MYO1A: variants seen among roughly 807,000 people sequenced by gnomAD.
The protein encoded by MYO1A is unconventional myosin-Ia.
Under a neutral mutation model 138.5 loss-of-function variants are expected in MYO1A, and 127 were observed. The ratio of observed to expected loss-of-function variants is 0.92; its 90% confidence interval spans 0.79 to 1.06. The LOEUF is 1.06. Among genes scored for constraint, MYO1A ranks in the 50% least tolerant of loss-of-function variants. MYO1A has a pLI of 0.00. For synonymous variants in MYO1A, 477 were observed against 497.5 expected (o/e 0.96, Z 0.55); for missense variants, 1,211 against 1,288.8 (o/e 0.94, Z 0.92).
intron 8 of MYO1A, among the ~76,000 whole-genome samples, chr12:57,045,982 C>G (rs1178802824): frequency 6.6e-6 from 1 of 152,238 alleles, no homozygotes; most frequent in East Asian, 1.9e-4. Context: ...TTACTCAACT[C>G]TGTATCCCTA....
chr12:57,048,935 C>A (rs2031238862), intron 1 of MYO1A, among the ~76,000 whole-genome samples: 1 of 152,174 alleles, frequency 6.6e-6, no homozygotes, highest in African/African-American at 2.4e-5. Context: ...CTTGACAAGG[C>A]AGAATTATAG....
chr12:57,045,349 T>C (rs924625048), intron 8 of MYO1A, among the ~76,000 whole-genome samples: 1 of 152,100 alleles, frequency 6.6e-6, no homozygotes, highest in African/African-American at 2.4e-5. Flanking sequence ...CCTCAAACTA[T>C]AGTCTAATGG....
intron 23 of MYO1A, 100 bp from the exon 24 acceptor site, chr12:57,030,416 G>A: frequency 4.0e-6 from 4 of 999,998 alleles, no homozygotes; most frequent in South Asian, 2.7e-5. Context: ...GGAGAGGAGA[G>A]AGACTGAGGA....
At chr12:57,043,402 C>G (rs1010091126) in intron 10 of MYO1A, 44 bp from the exon 11 acceptor site, 13 of 1,574,148 alleles carry the variant, frequency 8.3e-6, no homozygotes, top group Non-Finnish European at 1.1e-5. Flanking sequence ...AGGCAGCTTT[C>G]TCTCAGGGGA....
Position 57,044,191 on chromosome 12 carries a change from C to T in MYO1A, c.659G>A (p.Arg220Gln), listed in dbSNP as rs114674819. The T allele has an allele frequency of 1.4e-4, 223 of 1,614,050 alleles. 2 individuals are homozygous for T. The African/African-American group carries it at 2.1e-3, about 15-fold the overall frequency. ...CAGATAGGCATAGCCAGTTGTATCC[C>T]GCTCAAGCTTCAGGGCCTCTGGGAG... ...EQLLKALKLE[R>Q]DTTGYAYLNH... Residue 220 changes from arginine to glutamine, a missense_variant, in exon 9 of 28, where the codon CGG becomes CAG. Coordinates refer to ENST00000300119, the MANE Select transcript of MYO1A (RefSeq NM_005379.4).
At chr12:57,038,734 T>C in intron 16 of MYO1A, 75 bp downstream of exon 16, 1 of 1,609,002 alleles carries the variant, frequency 6.2e-7, no homozygotes, top group Non-Finnish European at 8.5e-7. Context: ...ACTCTCACCT[T>C]CCCCGGGTTC....
At position 57,038,493 on chromosome 12, in the gene MYO1A, G is replaced by A. The variant is rs780087691; in HGVS notation, c.1679C>T (p.Pro560Leu). 1.9e-6 allele frequency: 3 copies of A among 1,614,224 alleles called. No homozygotes were observed. The highest frequency in any genetic ancestry group is 1.1e-5 in the South Asian group (1 of 91,084). The change falls in exon 17 of 28, where the codon CCC becomes CTC. Residue 560 changes from proline to leucine, a missense_variant. Physicochemically the swap from Pro to Leu is moderately conservative, Grantham distance 98 (BLOSUM62 -3). Coordinates refer to ENST00000300119, the MANE Select transcript of MYO1A (RefSeq NM_005379.4). ...GNPKQASLKR[P>L]PTAGAQFKSS... ...CTTGAACTGGGCCCCAGCAGTCGGG[G>A]GGCGTTTGAGAGATGCCTGCTTAGG...
chr12:57,031,249 C>G (rs1592469727), intron 22 of MYO1A, 75 bp from the exon 23 acceptor site: 2 of 1,572,370 alleles, frequency 1.3e-6, no homozygotes, highest in East Asian at 4.5e-5. Flanking sequence ...CACCCAGATC[C>G]TGCCACTTCA....
chr12:57,031,159 G>C lies in MYO1A; in HGVS notation c.2365C>G (p.Leu789Val). The change falls in exon 23 of 28, where the codon CTG becomes GTG. Residue 789 changes from leucine (L) to valine (V), a missense_variant. By Grantham distance (32) the Leu-to-Val change is conservative. Transcript: ENST00000300119. The part of the protein sequence containing the change: ...IYKSMVQKFL[L>V]GLKNNLPSTN... The stretch of plus-strand genomic sequence containing the variant: ...GATGGCAAATTGTTCTTCAGCCCCA[G>C]TAGGAATTTCTGTACCTAGTTTGGG... 1.9e-6 allele frequency: 3 copies of C among 1,614,188 alleles called. No individual in the cohort carries two copies. Among genetic ancestry groups the C allele is most frequent in the Non-Finnish European group, 2.5e-6 (3 of 1,180,034 alleles).
At chr12:57,030,052 A>C in intron 24 of MYO1A, 158 bp downstream of exon 24, 1 of 1,282,432 alleles carries the variant, frequency 7.8e-7, no homozygotes, top group Admixed American at 1.9e-5. Context: ...TTAGAAAGGC[A>C]AATTTTGGTC....
chr12:57,048,680 G>A (rs1233325314), intron 1 of MYO1A, among the ~76,000 whole-genome samples: 1 of 152,130 alleles, frequency 6.6e-6, no homozygotes, highest in Non-Finnish European at 1.5e-5. Context: ...AAGGAGAGAG[G>A]GCTGAGGAGG....
chr12:57,031,098 G>C lies in MYO1A; in HGVS notation c.2426C>G (p.Pro809Arg). 6.2e-7 allele frequency: 1 copy of C among 1,614,152 alleles called. No homozygotes were observed. The highest frequency in any genetic ancestry group is 8.5e-7 in the Non-Finnish European group (1 of 1,180,026). The change falls in exon 23 of 28, where the codon CCC becomes CGC. Residue 809 changes from proline (P) to arginine (R), a missense_variant. Transcript: ENST00000300119. ...NVLDKTWPAAPYKCLSTANQE... is the reference protein window; with the variant it reads ...NVLDKTWPAARYKCLSTANQE... ...ATTTGCTGTGCTGAGGCACTTGTAGGGGGCGGCTGGCCATGTCTTGTCTAA... is the reference window on the plus strand; with the variant it reads ...ATTTGCTGTGCTGAGGCACTTGTAGCGGGCGGCTGGCCATGTCTTGTCTAA...
At chr12:57,043,518 G>A (rs1244650646) in intron 10 of MYO1A, among the ~76,000 whole-genome samples, 160 bp from the exon 11 acceptor site, 1 of 152,188 alleles carries the variant, frequency 6.6e-6, no homozygotes, top group African/African-American at 2.4e-5. Flanking sequence ...AGGAATCTCA[G>A]GGAGTTGGGG....
At chr12:57,039,960 G>A (rs894838811) in intron 14 of MYO1A, among the ~76,000 whole-genome samples, 1 of 152,166 alleles carries the variant, frequency 6.6e-6, no homozygotes, top group Non-Finnish European at 1.5e-5. Flanking sequence ...AGCAAGAATG[G>A]TACAAAAGCA....
Position 57,036,356 on chromosome 12 carries a change from A to C in MYO1A, c.2300T>G (p.Phe767Cys). The C allele has an allele frequency of 6.2e-7, 1 of 1,613,926 alleles. No homozygotes were observed. Among genetic ancestry groups the C allele is most frequent in the Non-Finnish European group, 8.5e-7 (1 of 1,179,816 alleles). The stretch of plus-strand genomic sequence containing the variant: ...CAAGGTGAGGGCAGCCTCTGACCGG[A>C]AATATTTGCGATAATTCTTTCGGGC... ...WKARKNYRKY[F>C]RSEAALTLAD... Residue 767 changes from phenylalanine (F) to cysteine (C), a missense_variant, in exon 22 of 28, where the codon TTC becomes TGC. Physicochemically the swap from Phe to Cys is radical, Grantham distance 205 (BLOSUM62 -2). Coordinates refer to ENST00000300119, the MANE Select transcript of MYO1A (RefSeq NM_005379.4).
intron 7 of MYO1A, 24 bp downstream of exon 7, chr12:57,046,839 G>A (rs1222931408): frequency 1.2e-6 from 2 of 1,611,944 alleles, no homozygotes; most frequent in Non-Finnish European, 1.7e-6. Flanking sequence ...GAAGACAGGT[G>A]AGTGGAATTG....
At chr12:57,031,013 G>C in intron 23 of MYO1A, 27 bp downstream of exon 23, 1 of 1,612,032 alleles carries the variant, frequency 6.2e-7, no homozygotes, top group Non-Finnish European at 8.5e-7. Context: ...GACGAAATGA[G>C]AGGAGGGGTG....
chr12:57,046,666 A>G lies in MYO1A; in HGVS notation c.542-16T>C. The G allele has an allele frequency of 6.2e-7, 1 of 1,608,996 alleles. No individual in the cohort carries two copies. Among genetic ancestry groups the G allele is most frequent in the Non-Finnish European group, 8.5e-7 (1 of 1,175,448 alleles). ...TCAAGCAGATCTGGCAGAGAATTAG[A>G]AAAATAATATCCTGAGGGCCTGGGA... On this transcript the variant is annotated splice_polypyrimidine_tract_variant and intron_variant, in intron 7 of 27. Transcript: ENST00000300119.
At position 57,038,405 on chromosome 12, in the gene MYO1A, A is replaced by C; in HGVS notation, c.1760+7T>G. ...GTAGCATGTTCCCCTGCATGCCAGC[A>C]TGTCACCTGATGTAGTTGGGGCTCT... On this transcript the variant is annotated splice_region_variant and intron_variant, in intron 17 of 27. Transcript: ENST00000300119. 1 of 1,613,938 alleles carries C rather than the reference A, an allele frequency of 6.2e-7. No individual in the cohort carries two copies. Among genetic ancestry groups the C allele is most frequent in the Non-Finnish European group, 8.5e-7 (1 of 1,179,792 alleles).
Sources: allele counts gnomAD v4.1 joint callset (sites outside exome capture counted in the v4.1 genomes callset), GRCh38; gene constraint gnomAD v4.1.1; transcripts MANE v1.5; gene names NCBI Gene and HGNC (gene_info 2026-07-23, HGNC 2026-07-21).